Variants in DIAPH3 observed in about 807,000 individuals in gnomAD.
DIAPH3 encodes protein diaphanous homolog 3.
A neutral mutation model predicts 144.3 loss-of-function variants in DIAPH3; 117 were observed. The observed-to-expected ratio is 0.81, with a 90% CI of 0.70 to 0.95. DIAPH3 has a LOEUF of 0.95. Among genes scored for constraint, DIAPH3 ranks in the 40% least tolerant of loss-of-function variants. The probability of loss-of-function intolerance (pLI) is 0.00; values close to 1 mark genes in which losing one functional copy is unlikely to be tolerated. For synonymous variants in DIAPH3, 519 were observed against 488.9 expected (o/e 1.06, Z -0.81); for missense variants, 1,421 against 1,412.7 (o/e 1.01, Z -0.09).
intron 1 of DIAPH3, among the ~76,000 whole-genome samples, chr13:60,151,089 A>G (rs899719028): frequency 2.2e-5 from 3 of 138,330 alleles, no homozygotes; most frequent in African/African-American, 5.4e-5. Flanking sequence ...GTCCCCCAGG[A>G]AAAAAAAAAA....
At chr13:59,857,529 T>C (rs1566423445) in intron 22 of DIAPH3, among the ~76,000 whole-genome samples, 1 of 152,086 alleles carries the variant, frequency 6.6e-6, no homozygotes, top group Non-Finnish European at 1.5e-5. Flanking sequence ...CAGAGAAATA[T>C]GGCAAAAATT....
intron 25 of DIAPH3, among the ~76,000 whole-genome samples, chr13:59,789,718 G>C (rs935268930): frequency 6.6e-6 from 1 of 152,138 alleles, no homozygotes; most frequent in African/African-American, 2.4e-5. Context: ...CGCACTGGAA[G>C]AAGGGGAAAA....
intron 20 of DIAPH3, among the ~76,000 whole-genome samples, chr13:59,884,034 G>T (rs541127134): frequency 6.6e-6 from 1 of 152,224 alleles, no homozygotes; most frequent in South Asian, 2.1e-4. Flanking sequence ...GGTGAGCAGC[G>T]GGCCTGAGCG....
At chr13:59,764,219 T>G (rs1039437808) in intron 27 of DIAPH3, among the ~76,000 whole-genome samples, 16 of 152,060 alleles carry the variant, frequency 1.1e-4, no homozygotes, top group Non-Finnish European at 1.9e-4. Flanking sequence ...TTCCTAACAA[T>G]AAATCTCTGA....
chr13:59,860,598 C>T (rs1484053432), intron 22 of DIAPH3, among the ~76,000 whole-genome samples: 1 of 151,922 alleles, frequency 6.6e-6, no homozygotes, highest in African/African-American at 2.4e-5. Context: ...ATTATCCAGG[C>T]ATGGAGGCGG....
At chr13:59,925,203 T>C (rs1294964269) in intron 17 of DIAPH3, among the ~76,000 whole-genome samples, 3 of 152,130 alleles carry the variant, frequency 2.0e-5, no homozygotes, top group African/African-American at 7.2e-5. Flanking sequence ...GATACAGTTA[T>C]AAAAATTAAA....
At chr13:59,718,425 T>A (rs940440924) in intron 27 of DIAPH3, among the ~76,000 whole-genome samples, 1 of 152,230 alleles carries the variant, frequency 6.6e-6, no homozygotes, top group African/African-American at 2.4e-5. Flanking sequence ...AATAGTGTTT[T>A]AATCAAGGCA....
At chr13:59,882,982 A>C (rs575968796) in intron 20 of DIAPH3, among the ~76,000 whole-genome samples, 1 of 152,330 alleles carries the variant, frequency 6.6e-6, no homozygotes, top group East Asian at 1.9e-4. Flanking sequence ...GGTAAAAATC[A>C]AGAAGCAATA....
At chr13:59,858,256 G>C (rs924569194) in intron 22 of DIAPH3, among the ~76,000 whole-genome samples, 6 of 152,136 alleles carry the variant, frequency 3.9e-5, no homozygotes, top group Non-Finnish European at 7.4e-5. Context: ...ACTGCACAGA[G>C]GAAGAGGAGA....
intron 17 of DIAPH3, among the ~76,000 whole-genome samples, chr13:59,942,307 G>C (rs1379851101): frequency 6.6e-6 from 1 of 152,028 alleles, no homozygotes; most frequent in African/African-American, 2.4e-5. Flanking sequence ...AAAAGCTAAG[G>C]TCATTTCTAA....
chr13:60,013,025 C>T, intron 7 of DIAPH3: 1 of 985,346 alleles, frequency 1.0e-6, no homozygotes, highest in Non-Finnish European at 1.2e-6. Flanking sequence ...ACTGTTGACT[C>T]TGTGTGAGAA....
intron 27 of DIAPH3, among the ~76,000 whole-genome samples, chr13:59,680,689 T>A (rs2032894160): frequency 1.3e-5 from 2 of 152,158 alleles, no homozygotes; most frequent in East Asian, 3.9e-4. Flanking sequence ...CTGAATAACT[T>A]TTGGTGACTT....
At chr13:59,791,753 G>A (rs1253803015) in intron 25 of DIAPH3, among the ~76,000 whole-genome samples, 1 of 152,152 alleles carries the variant, frequency 6.6e-6, no homozygotes, top group African/African-American at 2.4e-5. Context: ...CCCCAAATTC[G>A]ACGGGAGCTT....
intron 2 of DIAPH3, among the ~76,000 whole-genome samples, chr13:60,123,262 T>C (rs1388205960): frequency 2.0e-5 from 3 of 152,200 alleles, no homozygotes; most frequent in African/African-American, 7.2e-5. Context: ...AACTACTGAT[T>C]GTCTATACAT....
intron 9 of DIAPH3, among the ~76,000 whole-genome samples, chr13:60,005,501 CAGAG>C (rs1306595366): frequency 1.3e-5 from 2 of 151,788 alleles, no homozygotes; most frequent in East Asian, 3.9e-4. Context: ...TTTTTTGAGA[CAGAG>C]AGTCTTGCTC....
At chr13:60,159,145 A>T (rs931130879) in intron 1 of DIAPH3, among the ~76,000 whole-genome samples, 1 of 152,098 alleles carries the variant, frequency 6.6e-6, no homozygotes, top group African/African-American at 2.4e-5. Flanking sequence ...ATCAACAAAA[A>T]TTCTCCAACC....
At chr13:59,833,498 A>G (rs929219460) in intron 23 of DIAPH3, among the ~76,000 whole-genome samples, 1 of 151,842 alleles carries the variant, frequency 6.6e-6, no homozygotes, top group Admixed American at 6.6e-5. Context: ...AAAGATTTAT[A>G]TATTTAATAT....
At chr13:59,852,999 G>T (rs543054924) in intron 22 of DIAPH3, among the ~76,000 whole-genome samples, 2 of 152,180 alleles carry the variant, frequency 1.3e-5, no homozygotes, top group East Asian at 1.9e-4. Flanking sequence ...ATAAACATTT[G>T]TACATATTAA....
At chr13:59,876,087 C>T (rs1044729180) in intron 21 of DIAPH3, among the ~76,000 whole-genome samples, 1 of 152,154 alleles carries the variant, frequency 6.6e-6, no homozygotes, top group Non-Finnish European at 1.5e-5. Context: ...AATTACCCAG[C>T]ATGTTTTAAC....
Sources: allele counts gnomAD v4.1 joint callset (sites outside exome capture counted in the v4.1 genomes callset), GRCh38; gene constraint gnomAD v4.1.1; transcripts MANE v1.5; gene names NCBI Gene and HGNC (gene_info 2026-07-23, HGNC 2026-07-21).